Variants in SYNDIG1 observed in about 807,000 individuals in gnomAD.
The protein encoded by SYNDIG1 is synapse differentiation inducing 1, also known as synapse differentiation-inducing gene protein 1.
A neutral mutation model predicts 19.4 loss-of-function variants in SYNDIG1; 9 were observed. The ratio of observed to expected loss-of-function variants is 0.46; its 90% confidence interval spans 0.28 to 0.81. SYNDIG1 has a LOEUF of 0.81. Ranked by LOEUF, SYNDIG1 falls within the 30% of genes least tolerant of loss-of-function variation. The probability of loss-of-function intolerance (pLI) is 0.12; values close to 1 mark genes in which losing one functional copy is unlikely to be tolerated. For missense variants in SYNDIG1, 311 were observed against 343.3 expected (o/e 0.91, Z 0.74); for synonymous variants, 141 against 145.9 (o/e 0.97, Z 0.24).
intron 2 of SYNDIG1, among the ~76,000 whole-genome samples, chr20:24,583,277 CG>C (rs1008282461): frequency 3.3e-5 from 5 of 152,204 alleles, no homozygotes; most frequent in Admixed American, 2.6e-4. Context: ...GCTGCACTCA[CG>C]GGGTGGGCCC....
At chr20:24,615,126 G>T (rs181836984) in intron 3 of SYNDIG1, among the ~76,000 whole-genome samples, 71 of 152,328 alleles carry the variant, frequency 4.7e-4, no homozygotes, top group Non-Finnish European at 7.8e-4. Flanking sequence ...AGGTTAGGCA[G>T]CTTCCTTGCT....
At chr20:24,585,866 A>G (rs1484789482) in intron 3 of SYNDIG1, among the ~76,000 whole-genome samples, 1 of 152,184 alleles carries the variant, frequency 6.6e-6, no homozygotes, top group Non-Finnish European at 1.5e-5. Context: ...GGGAGGGCTG[A>G]AGATGCCTCA....
intron 2 of SYNDIG1, among the ~76,000 whole-genome samples, chr20:24,554,328 A>G (rs1337000994): frequency 6.6e-6 from 1 of 152,184 alleles, no homozygotes; most frequent in South Asian, 2.1e-4. Flanking sequence ...CCTGGCCAGT[A>G]CTTCCAACAC....
rs547355605 is a variant in SYNDIG1 at position 24,661,292 on chromosome 20, AAAGAAGGAGGG to A, written c.619-4052_619-4042del. ...CTGTTACAGAGCAAGTGAGCAGAAG[AAAGAAGGAGGG>A]AGGGAGGAAAGGGGAGGGAGGGAAG... On this transcript the variant is annotated intron_variant, in intron 3 of 3. Coordinates refer to ENST00000376862, the MANE Select transcript of SYNDIG1 (RefSeq NM_024893.3). Among the ~76,000 whole-genome samples, 25 of 143,004 alleles carry A rather than the reference AAAGAAGGAGGG, an allele frequency of 1.7e-4. No homozygotes were observed. In the East Asian group the frequency reaches 5.5e-3, roughly 32 times the overall value. The allele number at this position is 143,004 out of a possible 152,430, so 93.8% of individuals were successfully genotyped here.
At chr20:24,525,094 TCCTGA>T (rs1289991918) in intron 1 of SYNDIG1, among the ~76,000 whole-genome samples, 1 of 152,146 alleles carries the variant, frequency 6.6e-6, no homozygotes, top group Non-Finnish European at 1.5e-5. Context: ...TTCTCAATGA[TCCTGA>T]CCTAAGTATT....
At chr20:24,576,234 A>G (rs1332658180) in intron 2 of SYNDIG1, among the ~76,000 whole-genome samples, 1 of 152,180 alleles carries the variant, frequency 6.6e-6, no homozygotes, top group East Asian at 1.9e-4. Flanking sequence ...AGAAATACTT[A>G]TTTACTAGAA....
chr20:24,519,467 G>A (rs1418347213), intron 1 of SYNDIG1, among the ~76,000 whole-genome samples: 2 of 152,170 alleles, frequency 1.3e-5, no homozygotes, highest in African/African-American at 4.8e-5. Context: ...ATCTCATGTT[G>A]CACCCTAAGG....
intron 1 of SYNDIG1, among the ~76,000 whole-genome samples, chr20:24,519,087 A>C (rs1376882955): frequency 6.6e-6 from 1 of 152,198 alleles, no homozygotes; most frequent in East Asian, 1.9e-4. Context: ...AATGTGACTC[A>C]TTTTCTCATC....
chr20:24,514,307 C>G (rs2056815022), intron 1 of SYNDIG1, among the ~76,000 whole-genome samples: 1 of 152,098 alleles, frequency 6.6e-6, no homozygotes, highest in Non-Finnish European at 1.5e-5. Flanking sequence ...ACTAATTGCT[C>G]CAATTAAAAG....
chr20:24,659,848 T>G lies in SYNDIG1; in HGVS notation c.619-5498T>G, dbSNP rs146147651. Among the ~76,000 whole-genome samples the G allele has an allele frequency of 2.9e-3, 438 of 152,402 alleles. 2 individuals are homozygous for G. Among genetic ancestry groups the G allele is most frequent in the African/African-American group, 9.3e-3 (388 of 41,604 alleles). ...TCAAGATTTTACAAGTTTTATAAAA[T>G]GAGTTTCTCTATTCTCTGTAGATGG... On this transcript the variant is annotated intron_variant, in intron 3 of 3. Coordinates refer to ENST00000376862, the MANE Select transcript of SYNDIG1 (RefSeq NM_024893.3).
intron 2 of SYNDIG1, among the ~76,000 whole-genome samples, chr20:24,562,656 G>T (rs750212970): frequency 1.3e-5 from 2 of 152,142 alleles, no homozygotes; most frequent in African/African-American, 2.4e-5. Flanking sequence ...GATAAGAAAA[G>T]GGGTGCTGGC....
intron 2 of SYNDIG1, among the ~76,000 whole-genome samples, chr20:24,556,347 T>TA (rs1345827387): frequency 2.0e-5 from 3 of 152,228 alleles, no homozygotes; most frequent in African/African-American, 7.2e-5. Flanking sequence ...ATCCTGTCAT[T>TA]ATGATGTTAG....
intron 1 of SYNDIG1, among the ~76,000 whole-genome samples, chr20:24,510,660 G>A (rs2056723071): frequency 6.6e-6 from 1 of 151,990 alleles, no homozygotes; most frequent in Admixed American, 6.6e-5. Context: ...TTTAGTGTGG[G>A]ATAGCTTTAA....
At chr20:24,488,295 C>T (rs2146289654) in intron 1 of SYNDIG1, among the ~76,000 whole-genome samples, 1 of 152,370 alleles carries the variant, frequency 6.6e-6, no homozygotes, top group East Asian at 1.9e-4. Flanking sequence ...CCATGCGAGG[C>T]ACTGCATTCA....
At chr20:24,623,493 A>C (rs1274224776) in intron 3 of SYNDIG1, among the ~76,000 whole-genome samples, 1 of 152,248 alleles carries the variant, frequency 6.6e-6, no homozygotes, top group East Asian at 1.9e-4. Context: ...ACTAGAAGTG[A>C]AATAAAATAT....
At chr20:24,574,993 G>A (rs534137902) in intron 2 of SYNDIG1, among the ~76,000 whole-genome samples, 95 of 152,320 alleles carry the variant, frequency 6.2e-4, no homozygotes, top group African/African-American at 1.9e-3. Flanking sequence ...GTGAATGAAT[G>A]CTTGTCTCCC....
At chr20:24,542,594 A>G (rs936442526) in intron 1 of SYNDIG1, among the ~76,000 whole-genome samples, 4 of 152,206 alleles carry the variant, frequency 2.6e-5, no homozygotes, top group Non-Finnish European at 5.9e-5. Context: ...GCAATCACAT[A>G]ATTTCCTGCT....
At chr20:24,644,371 G>C (rs1397013177) in intron 3 of SYNDIG1, among the ~76,000 whole-genome samples, 2 of 152,214 alleles carry the variant, frequency 1.3e-5, no homozygotes, top group African/African-American at 4.8e-5. Context: ...CTGCAATGTG[G>C]CCTTGCCCCT....
intron 3 of SYNDIG1, among the ~76,000 whole-genome samples, chr20:24,629,529 G>A (rs1462615629): frequency 1.3e-5 from 2 of 152,038 alleles, no homozygotes; most frequent in African/African-American, 4.8e-5. Context: ...AGCCAAATGA[G>A]GACCACAGAG....
Sources: allele counts gnomAD v4.1 joint callset (sites outside exome capture counted in the v4.1 genomes callset), GRCh38; gene constraint gnomAD v4.1.1; transcripts MANE v1.5; gene names NCBI Gene and HGNC (gene_info 2026-07-23, HGNC 2026-07-21).